The following GRIK2 variants were observed in gnomAD, a reference collection of about 807,000 sequenced individuals.
GRIK2 encodes glutamate ionotropic receptor kainate type subunit 2, also known as glutamate receptor ionotropic, kainate 2.
A neutral mutation model predicts 100.3 loss-of-function variants in GRIK2; 32 were observed. The ratio of observed to expected loss-of-function variants is 0.32; its 90% CI spans 0.24 to 0.43. GRIK2 has a LOEUF of 0.43. Ranked by LOEUF, GRIK2 falls within the 20% of genes least tolerant of loss-of-function variation. The pLI is 1.00. For missense variants in GRIK2, 843 were observed against 1,114.9 expected (o/e 0.76, Z 3.47); for synonymous variants, 417 against 389.4 (o/e 1.07, Z -0.83).
chr6:101,535,193 G>A (rs1222458054), intron 2 of GRIK2, among the ~76,000 whole-genome samples: 1 of 151,722 alleles, frequency 6.6e-6, no homozygotes, highest in Non-Finnish European at 1.5e-5. Context: ...CTAAAATGGT[G>A]TGTCAGAGGG....
intron 7 of GRIK2, among the ~76,000 whole-genome samples, chr6:101,737,949 A>C (rs1439400489): frequency 6.6e-6 from 1 of 152,152 alleles, no homozygotes; most frequent in East Asian, 1.9e-4. Flanking sequence ...AGAATAATTA[A>C]ATGAGCTCTG....
chr6:101,612,690 A>G (rs949240586), intron 2 of GRIK2, among the ~76,000 whole-genome samples: 2 of 150,232 alleles, frequency 1.3e-5, no homozygotes, highest in Admixed American at 1.3e-4. Flanking sequence ...TCACAATGAG[A>G]GATAAATTTA....
chr6:101,611,897 C>T (rs534127571), intron 2 of GRIK2, among the ~76,000 whole-genome samples: 1 of 151,832 alleles, frequency 6.6e-6, no homozygotes, highest in Non-Finnish European at 1.5e-5. Flanking sequence ...CAACTTCACA[C>T]AAAATTAATT....
chr6:101,893,518 A>G (rs1787239791), intron 12 of GRIK2, among the ~76,000 whole-genome samples: 1 of 151,768 alleles, frequency 6.6e-6, no homozygotes, highest in African/African-American at 2.4e-5. Flanking sequence ...TATTAATTTT[A>G]CTTTTGTTTT....
intron 15 of GRIK2, among the ~76,000 whole-genome samples, chr6:102,047,390 A>AGAT (rs1455823295): frequency 6.6e-6 from 1 of 152,142 alleles, no homozygotes; most frequent in Admixed American, 6.6e-5. Flanking sequence ...TTACTGAAAG[A>AGAT]GATTGAAGAC....
chr6:101,812,104 T>G (rs958533838), intron 9 of GRIK2, among the ~76,000 whole-genome samples: 1 of 151,528 alleles, frequency 6.6e-6, no homozygotes, highest in African/African-American at 2.4e-5. Flanking sequence ...AAACATTAAA[T>G]ATGATATTGA....
At chr6:101,859,740 T>G (rs1784632158) in intron 11 of GRIK2, among the ~76,000 whole-genome samples, 1 of 152,162 alleles carries the variant, frequency 6.6e-6, no homozygotes, top group East Asian at 1.9e-4. Flanking sequence ...TTATCTCTCT[T>G]GATTATTACA....
At chr6:101,542,069 C>T (rs1040711) in intron 2 of GRIK2, among the ~76,000 whole-genome samples, 69,656 of 151,782 alleles carry the variant, frequency 0.46, 16,198 homozygotes, top group Middle Eastern at 0.51. Flanking sequence ...CTGTAAAATA[C>T]TGCCAAAAAG....
intron 2 of GRIK2, among the ~76,000 whole-genome samples, chr6:101,488,684 A>G (rs1312362234): frequency 6.8e-6 from 1 of 146,818 alleles, no homozygotes; most frequent in African/African-American, 2.6e-5. Flanking sequence ...CAAATTGCTC[A>G]GCCCAAATTG....
chr6:101,694,007 C>G (rs1323020569), intron 7 of GRIK2, among the ~76,000 whole-genome samples: 1 of 152,054 alleles, frequency 6.6e-6, no homozygotes, highest in South Asian at 2.1e-4. Flanking sequence ...CCCTCAAGGA[C>G]AGTCAATGTC....
chr6:101,422,621 A>C (rs1296901043), intron 2 of GRIK2, among the ~76,000 whole-genome samples: 4 of 151,966 alleles, frequency 2.6e-5, no homozygotes, highest in African/African-American at 9.7e-5. Flanking sequence ...TTAGAAGGAA[A>C]TACTCCCAGG....
chr6:101,944,032 G>A (rs192219924), intron 14 of GRIK2, among the ~76,000 whole-genome samples: 3 of 152,162 alleles, frequency 2.0e-5, no homozygotes, highest in African/African-American at 4.8e-5. Context: ...GCTCATGAGG[G>A]CGGTTTTTAA....
intron 10 of GRIK2, among the ~76,000 whole-genome samples, chr6:101,824,627 A>G (rs1782196871): frequency 6.6e-6 from 1 of 152,160 alleles, no homozygotes; most frequent in African/African-American, 2.4e-5. Context: ...GTTGACTAGT[A>G]ACACTTTAGC....
chr6:101,751,389 T>C (rs1377873599), intron 7 of GRIK2, among the ~76,000 whole-genome samples: 2 of 152,204 alleles, frequency 1.3e-5, no homozygotes, highest in Non-Finnish European at 2.9e-5. Context: ...TATTTCTTTG[T>C]CCTTCTCACT....
intron 4 of GRIK2, among the ~76,000 whole-genome samples, chr6:101,660,432 C>T (rs889927802): frequency 3.3e-5 from 5 of 152,052 alleles, no homozygotes; most frequent in Non-Finnish European, 5.9e-5. Context: ...TCCTTTAGAT[C>T]GGAGGAGTTT....
intron 14 of GRIK2, among the ~76,000 whole-genome samples, chr6:101,984,655 A>ACC (rs1554186996): frequency 0.025 from 3,730 of 148,716 alleles, 73 homozygotes; most frequent in Middle Eastern, 0.058. Context: ...ACACACACAC[A>ACC]CCCTTCAACT....
intron 16 of GRIK2, chr6:102,063,994 T>A (rs777102067): frequency 4.5e-6 from 7 of 1,560,690 alleles, no homozygotes; most frequent in Non-Finnish European, 5.3e-6. Context: ...CACCATACCA[T>A]CCAGACACTG....
chr6:101,519,300 CGTGTGTGTGTGTGTGTGTGTGTGTGTGT>C (rs55646921), intron 2 of GRIK2, among the ~76,000 whole-genome samples: 3 of 140,986 alleles, frequency 2.1e-5, no homozygotes, highest in Non-Finnish European at 4.7e-5. Context: ...CGGAGTTAAA[CGTGTGTGTGTGTGTGTGTGTGTGTGTGT>C]GTGTGTGTGT....
chr6:101,628,447 G>C (rs1780561884), intron 4 of GRIK2, among the ~76,000 whole-genome samples: 1 of 151,944 alleles, frequency 6.6e-6, no homozygotes, highest in African/African-American at 2.4e-5. Context: ...TTTGATCTCT[G>C]TTAGCTCAAA....
Sources: gnomAD v4.1 joint callset for allele counts (sites outside exome capture counted in the v4.1 genomes callset) on GRCh38, gnomAD v4.1.1 for gene constraint, MANE v1.5 for transcripts, NCBI Gene and HGNC (gene_info 2026-07-23, HGNC 2026-07-21) for gene names.